The following RRN3 variants were observed in gnomAD, a reference collection of about 807,000 sequenced individuals.
The protein encoded by RRN3 is RNA polymerase I-specific transcription initiation factor RRN3.
RRN3 carries 38 observed loss-of-function variants against 82.3 expected under a neutral mutation model. The ratio of observed to expected loss-of-function variants is 0.46; its 90% CI spans 0.36 to 0.61. The LOEUF is 0.61. RRN3 is among the 20% of genes least tolerant of loss of function. RRN3 has a pLI of 0.00. For missense variants in RRN3, 726 were observed against 793.1 expected, an observed-to-expected ratio of 0.92 and a Z score of 1.02; for synonymous variants, 284 against 284.3, an observed-to-expected ratio of 1.00 and a Z score of 0.01.
At position 15,061,744 on chromosome 16, in the gene RRN3, T is replaced by C. The variant is rs1252031180; in HGVS notation, c.1956A>G (p.Ter652TrpextTer9). 8 of 1,606,130 alleles carry C rather than the reference T, an allele frequency of 5.0e-6. No individual in the cohort carries two copies. Among genetic ancestry groups the C allele is most frequent in the Non-Finnish European group, 6.8e-6 (8 of 1,173,468 alleles). Reference protein sequence around the residue: ...PVLYMQPSPL* With the variant: ...PVLYMQPSPLW The stretch of plus-strand genomic sequence containing the variant: ...ACATCTCAGTCACAAATTTCTGCCG[T>C]CAGAGGGGACTGGGTTGCATGTACA... Residue 652 changes from the stop codon to tryptophan (W), a stop_lost, in exon 18 of 18, where the codon TGA becomes TGG. Coordinates refer to ENST00000198767, the MANE Select transcript of RRN3 (RefSeq NM_018427.5).
chr16:15,085,840 T>C, intron 5 of RRN3, 142 bp from the exon 6 acceptor site: 1 of 1,285,618 alleles, frequency 7.8e-7, no homozygotes, highest in Non-Finnish European at 1.1e-6. Context: ...CAATGATTAA[T>C]TAAACGCACA....
In RRN3 at chr16:15,068,263, G is replaced by C; in HGVS notation, c.1459C>G (p.Gln487Glu). The C allele has an allele frequency of 6.4e-7, 1 of 1,573,206 alleles. No homozygotes were observed. The change falls in exon 15 of 18, where the codon CAG becomes GAG. Residue 487 changes from glutamine to glutamate, a missense_variant. Transcript: ENST00000198767. ...ACTATCCGCTCAAAATTCAGACTCT[G>C]AAGATACTGCAAACCTTTGGTTTAA... ...GNLKEGLQYLQSLNFERIVMS... is the reference protein window; with the variant it reads ...GNLKEGLQYLESLNFERIVMS...
In RRN3 at chr16:15,063,183, A is replaced by G. The variant is rs368741708; in HGVS notation, c.1794+13T>C. 101 of 1,558,436 alleles carry G rather than the reference A, an allele frequency of 6.5e-5. No homozygotes were observed. The highest frequency in any genetic ancestry group is 8.9e-5 in the Non-Finnish European group (100 of 1,129,192). On this transcript the variant is annotated intron_variant, in intron 17 of 17. Coordinates refer to ENST00000198767, the MANE Select transcript of RRN3 (RefSeq NM_018427.5). Reference sequence around the variant, plus strand: ...GAGATTCCGAGAGTGTGCTCAATCAATCACAAACTGACCTTTTTCATGGGT... The same window carrying G: ...GAGATTCCGAGAGTGTGCTCAATCAGTCACAAACTGACCTTTTTCATGGGT...
At chr16:15,082,062 G>GT (rs2045728277) in intron 8 of RRN3, among the ~76,000 whole-genome samples, 1 of 152,196 alleles carries the variant, frequency 6.6e-6, no homozygotes, top group African/African-American at 2.4e-5. Flanking sequence ...GCAAAAGAGA[G>GT]TTTACGCCTT....
intron 10 of RRN3, 182 bp downstream of exon 10, chr16:15,076,376 T>C (rs1034234698): frequency 2.4e-5 from 15 of 615,332 alleles, no homozygotes; most frequent in Non-Finnish European, 3.2e-5. Context: ...GCCTTGGAAA[T>C]AGACCAACTA....
intron 8 of RRN3, among the ~76,000 whole-genome samples, chr16:15,081,953 T>C (rs917142525): frequency 6.6e-6 from 1 of 152,220 alleles, no homozygotes; most frequent in Admixed American, 6.5e-5. Context: ...GGTTAGTGTA[T>C]GTTAGTCTTC....
chr16:15,078,084 T>C (rs572945215), intron 9 of RRN3, among the ~76,000 whole-genome samples: 50 of 152,316 alleles, frequency 3.3e-4, no homozygotes, highest in African/African-American at 1.1e-3. Context: ...ATGCCATTTT[T>C]TATTATCTAT....
At chr16:15,083,230 C>G (rs2045776505) in intron 8 of RRN3, among the ~76,000 whole-genome samples, 1 of 152,130 alleles carries the variant, frequency 6.6e-6, no homozygotes, top group African/African-American at 2.4e-5. Context: ...GAAACCTTGT[C>G]TCTACTAAAA....
At chr16:15,074,959 A>C in intron 10 of RRN3, 98 bp from the exon 11 acceptor site, 2 of 1,248,204 alleles carry the variant, frequency 1.6e-6, no homozygotes, top group Non-Finnish European at 1.1e-6. Flanking sequence ...TTAAAAGATA[A>C]AACAAAGAGG....
At chr16:15,086,011 C>T (rs2045903864) in intron 5 of RRN3, 118 bp downstream of exon 5, 1 of 697,180 alleles carries the variant, frequency 1.4e-6, no homozygotes, top group East Asian at 2.7e-5. Flanking sequence ...GTCTACCAGA[C>T]CTGGTGCCAA....
chr16:15,094,243 C>G lies in RRN3; in HGVS notation c.-10G>C. 6.4e-7 allele frequency: 1 copy of G among 1,567,954 alleles called. No homozygotes were observed. The highest frequency in any genetic ancestry group is 8.7e-7 in the Non-Finnish European group (1 of 1,155,334). ...GCAGCGGTGCCGCCATTGGGCCGAACTAACGCGACCGCTGCGCCTCAGGCC... is the reference window on the plus strand; with the variant it reads ...GCAGCGGTGCCGCCATTGGGCCGAAGTAACGCGACCGCTGCGCCTCAGGCC... On this transcript the variant is annotated 5_prime_UTR_variant, in exon 1 of 18. Coordinates refer to ENST00000198767, the MANE Select transcript of RRN3 (RefSeq NM_018427.5).
chr16:15,093,975 A>G (rs1158074852), intron 1 of RRN3, 170 bp downstream of exon 1: 9 of 666,874 alleles, frequency 1.3e-5, no homozygotes, highest in Non-Finnish European at 2.4e-5. Flanking sequence ...ACCCATGTCT[A>G]TTACCCAGTT....
intron 9 of RRN3, among the ~76,000 whole-genome samples, chr16:15,078,934 C>A (rs567508961): frequency 6.6e-6 from 1 of 152,000 alleles, no homozygotes; most frequent in South Asian, 2.1e-4. Context: ...GCCTCAGCCT[C>A]CCGAGTAGCT....
chr16:15,063,635 A>T (rs1003734504), intron 16 of RRN3, among the ~76,000 whole-genome samples: 6 of 147,544 alleles, frequency 4.1e-5, no homozygotes, highest in Non-Finnish European at 7.4e-5. Flanking sequence ...AACCTGGGAG[A>T]CGGAGCTTGC....
At chr16:15,064,934 AG>A (rs1400284513) in intron 16 of RRN3, among the ~76,000 whole-genome samples, 1 of 152,200 alleles carries the variant, frequency 6.6e-6, no homozygotes, top group Non-Finnish European at 1.5e-5. Flanking sequence ...TGGGAGGCCG[AG>A]GCGGGCGGAT....
intron 16 of RRN3, among the ~76,000 whole-genome samples, chr16:15,064,417 C>T (rs1423385675): frequency 3.3e-5 from 5 of 152,094 alleles, no homozygotes; most frequent in Non-Finnish European, 5.9e-5. Context: ...TCAAGTGATC[C>T]GCCCGCCTCA....
intron 7 of RRN3, among the ~76,000 whole-genome samples, chr16:15,084,321 A>AT (rs113119521): frequency 0.64 from 97,644 of 151,968 alleles, 33,131 homozygotes; most frequent in Non-Finnish European, 0.74. Context: ...ATTTTTATTC[A>AT]TATGGCATGA....
chr16:15,066,327 G>A (rs566856860), intron 15 of RRN3, among the ~76,000 whole-genome samples: 1 of 152,238 alleles, frequency 6.6e-6, no homozygotes, highest in Admixed American at 6.5e-5. Flanking sequence ...GAATGTTCCT[G>A]AGCACTAAAA....
intron 11 of RRN3, among the ~76,000 whole-genome samples, chr16:15,073,801 T>TA (rs2045339981): frequency 1.3e-5 from 2 of 152,262 alleles, no homozygotes; most frequent in East Asian, 1.9e-4. Flanking sequence ...CTTTTTTTTT[T>TA]AGAGATGGGG....
Sources: allele counts gnomAD v4.1 joint callset (sites outside exome capture counted in the v4.1 genomes callset), GRCh38; gene constraint gnomAD v4.1.1; transcripts MANE v1.5; gene names NCBI Gene and HGNC (gene_info 2026-07-23, HGNC 2026-07-21).